The following MLIP variants were observed in gnomAD, a reference collection of about 807,000 sequenced individuals.
The protein encoded by MLIP is muscular LMNA-interacting protein.
MLIP carries 79 observed loss-of-function variants against 84.8 expected under a neutral mutation model. The ratio of observed to expected loss-of-function variants is 0.93; its 90% confidence interval spans 0.78 to 1.12. The LOEUF (loss-of-function observed/expected upper bound fraction) is 1.12, where lower values mean the gene tolerates loss of function less well. Ranked by LOEUF, MLIP falls within the 50% of genes most tolerant of loss-of-function variation. MLIP has a pLI of 0.00. For missense variants in MLIP, 1,257 were observed against 1,160.6 expected (o/e 1.08, Z -1.21); for synonymous variants, 504 against 463.0 (o/e 1.09, Z -1.14).
In MLIP at chr6:54,136,938, C is replaced by G; in HGVS notation, c.869C>G (p.Ser290Trp). The change falls in exon 4 of 14, where the codon TCG becomes TGG. Residue 290 changes from serine (S) to tryptophan (W), a missense_variant. Physicochemically the swap from Ser to Trp is radical, Grantham distance 177. Transcript: ENST00000502396. ...GCTCACTCTACACCCTTTTCTGCAT[C>G]GAAGGGCACCTCCTCGACGTTACTG... ...TTAHSTPFSA[S>W]KGTSSTLLFP... 6.5e-7 allele frequency: 1 copy of G among 1,536,020 alleles called. No homozygotes were observed. The highest frequency in any genetic ancestry group is 8.7e-7 in the Non-Finnish European group (1 of 1,146,880).
chr6:54,247,441 G>A (rs979448174), intron 12 of MLIP, among the ~76,000 whole-genome samples: 1 of 152,114 alleles, frequency 6.6e-6, no homozygotes, highest in African/African-American at 2.4e-5. Context: ...GTTGGCTCAG[G>A]AATGGCCACA....
upstream of MLIP, among the ~76,000 whole-genome samples, chr6:54,106,545 A>G (rs1229537703): frequency 1.3e-5 from 2 of 152,160 alleles, no homozygotes; most frequent in Non-Finnish European, 2.9e-5. Flanking sequence ...AGATAGATTC[A>G]TTTTTTGGAT....
intron 5 of MLIP, among the ~76,000 whole-genome samples, chr6:54,154,157 A>G (rs1019507353): frequency 4.6e-5 from 7 of 152,136 alleles, no homozygotes; most frequent in Non-Finnish European, 1.0e-4. Context: ...TATATTCTTT[A>G]CTAAATGTTC....
At position 54,243,874 on chromosome 6, in the gene MLIP, C is replaced by G. The variant is rs56055374; in HGVS notation, c.2922+12957C>G. Among the ~76,000 whole-genome samples the G allele has an allele frequency of 8.3e-3, 1,268 of 152,228 alleles. 18 individuals are homozygous for G. The highest frequency in any genetic ancestry group is 0.028 in the African/African-American group (1,149 of 41,534). On this transcript the variant is annotated intron_variant, in intron 12 of 13. Transcript: ENST00000502396. ...CAGTCTACAGATAAGAAAACTGAAG[C>G]CCAAAGATGCAAAGTGACATACCCA...
At chr6:54,047,457 T>G (rs1582026981) in intron 1 of MLIP, 1 of 152,240 alleles carries the variant, frequency 6.6e-6, no homozygotes, top group East Asian at 1.9e-4. Flanking sequence ...GTGCATAAAA[T>G]TAATAATTTT....
intron 11 of MLIP, among the ~76,000 whole-genome samples, chr6:54,219,747 G>A (rs1780100448): frequency 6.6e-6 from 1 of 152,124 alleles, no homozygotes; most frequent in Non-Finnish European, 1.5e-5. Flanking sequence ...AGGTCTGAAT[G>A]CTAGATAGTT....
At chr6:54,151,489 G>A (rs1446024579) in intron 5 of MLIP, among the ~76,000 whole-genome samples, 4 of 152,072 alleles carry the variant, frequency 2.6e-5, no homozygotes, top group African/African-American at 9.7e-5. Context: ...ATAATCTTGA[G>A]GAACTCTTCT....
intron 3 of MLIP, among the ~76,000 whole-genome samples, chr6:54,135,136 T>A (rs1271687960): frequency 6.6e-6 from 1 of 152,124 alleles, no homozygotes; most frequent in Non-Finnish European, 1.5e-5. Flanking sequence ...GCTAGTAGTG[T>A]TTGGATTTAA....
chr6:54,217,080 C>A lies in MLIP; in HGVS notation c.2719-13634C>A, dbSNP rs189273296. ...ATGCTGCATTTAAAAATAAATGTTG[C>A]TTTACCAAAGAGGTGGGAAGATGGA... On this transcript the variant is annotated intron_variant, in intron 11 of 13. Coordinates refer to ENST00000502396, the MANE Select transcript of MLIP (RefSeq NM_001281747.2). 1.6e-5 allele frequency: 16 copies of A among 985,384 alleles called. 1 individual carries two copies. In the Admixed American group the frequency reaches 8.6e-4, roughly 53 times the overall value. The allele number at this position is 985,384 out of a possible 1,614,324, so 61.0% of individuals were successfully genotyped here.
intron 9 of MLIP, among the ~76,000 whole-genome samples, chr6:54,187,333 T>C (rs529022074): frequency 2.6e-4 from 40 of 151,834 alleles, no homozygotes; most frequent in Non-Finnish European, 3.5e-4. Flanking sequence ...GCACACAAAA[T>C]AACTAAAGAA....
At chr6:54,251,605 T>A (rs368582577) in intron 12 of MLIP, among the ~76,000 whole-genome samples, 1 of 98,440 alleles carries the variant, frequency 1.0e-5, no homozygotes, top group Non-Finnish European at 1.8e-5. Context: ...ATATATATAT[T>A]ATAACATATA....
Position 54,160,510 on chromosome 6 carries a change from T to C in MLIP, c.2356-6T>C, listed in dbSNP as rs1421282855. 1 of 1,612,284 alleles carries C rather than the reference T, an allele frequency of 6.2e-7. No individual in the cohort carries two copies. Among genetic ancestry groups the C allele is most frequent in the Non-Finnish European group, 8.5e-7 (1 of 1,179,086 alleles). ...CTAACCCAGTACCTGGTTTCAATTC[T>C]TCCAGCTCTATTTTCCTGCACAGCT... On this transcript the variant is annotated splice_polypyrimidine_tract_variant and splice_region_variant and intron_variant, in intron 6 of 13. Transcript: ENST00000502396.
Position 54,211,692 on chromosome 6 carries a change from GA to G in MLIP, c.2718+9460del, listed in dbSNP as rs1297213823. On this transcript the variant is annotated intron_variant, in intron 11 of 13. Coordinates refer to ENST00000502396, the MANE Select transcript of MLIP (RefSeq NM_001281747.2). ...GATGATTTTACAACTGAGAAAGTGG[GA>G]TGCTACTAGCATTTAGTAGGTGGCG... Among the ~76,000 whole-genome samples the G allele has an allele frequency of 3.9e-5, 6 of 152,288 alleles. No homozygotes were observed. In the East Asian group the frequency reaches 9.7e-4, roughly 24 times the overall value.
chr6:54,049,126 G>T (rs2150314341), intron 1 of MLIP, among the ~76,000 whole-genome samples: 1 of 152,128 alleles, frequency 6.6e-6, no homozygotes. Flanking sequence ...ACTGAACCAG[G>T]GCTCTTGACC....
chr6:54,021,993 G>C (rs928537576), intron 1 of MLIP, among the ~76,000 whole-genome samples: 1 of 152,230 alleles, frequency 6.6e-6, no homozygotes, highest in African/African-American at 2.4e-5. Flanking sequence ...GGAAATGGTA[G>C]AGAGGTGCAA....
intron 1 of MLIP, chr6:54,083,586 G>A: frequency 6.5e-7 from 1 of 1,536,048 alleles, no homozygotes; most frequent in Non-Finnish European, 8.7e-7. Context: ...CGGATTCCAT[G>A]TGCAGCTGGT....
intron 3 of MLIP, among the ~76,000 whole-genome samples, chr6:54,131,725 T>C (rs1247499477): frequency 6.6e-6 from 1 of 152,192 alleles, no homozygotes; most frequent in African/African-American, 2.4e-5. Flanking sequence ...GCTTGGGATA[T>C]GTATGTATAT....
intron 11 of MLIP, among the ~76,000 whole-genome samples, chr6:54,220,464 C>T (rs1263602425): frequency 6.6e-6 from 1 of 152,100 alleles, no homozygotes; most frequent in East Asian, 1.9e-4. Context: ...GTTCTTCCTG[C>T]TGAAGTATTT....
At chr6:54,213,538 C>T (rs1739161696) in intron 11 of MLIP, among the ~76,000 whole-genome samples, 1 of 151,542 alleles carries the variant, frequency 6.6e-6, no homozygotes. Flanking sequence ...CCCGTCTCTA[C>T]TAAAAATACA....
Sources: gnomAD v4.1 joint callset for allele counts (sites outside exome capture counted in the v4.1 genomes callset) on GRCh38, gnomAD v4.1.1 for gene constraint, MANE v1.5 for transcripts, NCBI Gene and HGNC (gene_info 2026-07-23, HGNC 2026-07-21) for gene names.